The following TNKS variants were observed in gnomAD, a reference collection of about 807,000 sequenced individuals.
TNKS encodes tankyrase, also known as poly [ADP-ribose] polymerase tankyrase-1.
TNKS carries 72 observed loss-of-function variants against 135.8 expected under a neutral mutation model. The ratio of observed to expected loss-of-function variants is 0.53; its 90% CI spans 0.44 to 0.64. The LOEUF (loss-of-function observed/expected upper bound fraction) is 0.64, where lower values mean the gene tolerates loss of function less well. Among genes scored for constraint, TNKS ranks in the 30% least tolerant of loss-of-function variants. The pLI is 0.00. For synonymous variants in TNKS, 849 were observed against 649.3 expected (o/e 1.31, Z -4.68); for missense variants, 1,769 against 1,674.0 (o/e 1.06, Z -0.99).
intron 3 of TNKS, among the ~76,000 whole-genome samples, chr8:9,628,539 C>T (rs777208942): frequency 5.9e-5 from 9 of 151,296 alleles, no homozygotes; most frequent in Non-Finnish European, 1.3e-4. Flanking sequence ...CTCATTTCAT[C>T]GATAGATCTT....
chr8:9,772,831 CTGTG>C (rs71201974), intron 26 of TNKS, among the ~76,000 whole-genome samples: 1,243 of 119,100 alleles, frequency 0.01, 20 homozygotes, highest in African/African-American at 0.032. Flanking sequence ...GTGTGTGTGT[CTGTG>C]TGTGTGTGTG....
chr8:9,733,281 G>C lies in TNKS; in HGVS notation c.2150G>C (p.Gly717Ala). ...TAAAATAACTTTCTTTTGTTTAGTG[G>C]CTTGGTGCCCCTTCATAATGCCTGT... ...GADVHAKDKG[G>A]LVPLHNACSY... The change falls in exon 15 of 27, where the codon GGC becomes GCC. Residue 717 changes from glycine to alanine, a missense_variant and splice_region_variant. Around this residue, in one of 5 missense-constraint regions of TNKS, gnomAD observed 69 missense variants for 120.3 expected, o/e 0.57. Transcript: ENST00000310430. 6.4e-7 allele frequency: 1 copy of C among 1,557,744 alleles called. No individual in the cohort carries two copies. The highest frequency in any genetic ancestry group is 1.4e-5 in the African/African-American group (1 of 72,120).
At chr8:9,776,339 A>G (rs1406908774) in intron 26 of TNKS, among the ~76,000 whole-genome samples, 1 of 152,226 alleles carries the variant, frequency 6.6e-6, no homozygotes, top group East Asian at 1.9e-4. Context: ...TGTGAGGTGA[A>G]AAAGATATTA....
intron 26 of TNKS, among the ~76,000 whole-genome samples, chr8:9,774,828 C>G (rs114598951): frequency 0.01 from 1,553 of 152,284 alleles, 26 homozygotes; most frequent in African/African-American, 0.036. Flanking sequence ...CTATTGACTC[C>G]TTTGCTTCAA....
intron 2 of TNKS, among the ~76,000 whole-genome samples, chr8:9,600,975 G>C (rs1181505227): frequency 6.6e-6 from 1 of 152,182 alleles, no homozygotes; most frequent in Admixed American, 6.5e-5. Flanking sequence ...TAGGAAGAAT[G>C]ATCCAATTTT....
At chr8:9,557,618 C>T (rs1815380686) in intron 1 of TNKS, 1 of 151,894 alleles carries the variant, frequency 6.6e-6, no homozygotes, top group African/African-American at 2.4e-5. Context: ...TCAAATAGGA[C>T]AGAAAAATAC....
At chr8:9,691,090 A>G (rs1271807388) in intron 5 of TNKS, among the ~76,000 whole-genome samples, 1 of 152,224 alleles carries the variant, frequency 6.6e-6, no homozygotes, top group Non-Finnish European at 1.5e-5. Flanking sequence ...ATATTGACCA[A>G]CCAGAGTGTA....
chr8:9,667,386 T>C (rs1405118023), intron 3 of TNKS, among the ~76,000 whole-genome samples: 4 of 152,252 alleles, frequency 2.6e-5, no homozygotes, highest in Non-Finnish European at 5.9e-5. Flanking sequence ...AGAAAATTAC[T>C]TTCCTACAGC....
chr8:9,636,733 A>G (rs149487484), intron 3 of TNKS, among the ~76,000 whole-genome samples: 1 of 152,252 alleles, frequency 6.6e-6, no homozygotes, highest in Non-Finnish European at 1.5e-5. Context: ...AGTGTTCCTA[A>G]TTGGTCAAGA....
chr8:9,733,253 C>T (rs1805532467), intron 14 of TNKS, 26 bp from the exon 15 acceptor site: 3 of 1,533,882 alleles, frequency 2.0e-6, no homozygotes, highest in Non-Finnish European at 2.6e-6. Context: ...TGTTTTATGA[C>T]TTTAAAATAA....
chr8:9,613,791 G>A (rs914894473), intron 2 of TNKS, among the ~76,000 whole-genome samples: 1 of 152,116 alleles, frequency 6.6e-6, no homozygotes, highest in East Asian at 1.9e-4. Context: ...TTAAAATACG[G>A]GTTAAAACAA....
Position 9,735,163 on chromosome 8 carries a change from G to A in TNKS, c.2533+79G>A, listed in dbSNP as rs1452223802. On this transcript the variant is annotated intron_variant, in intron 16 of 26. Transcript: ENST00000310430. Reference sequence around the variant, plus strand: ...CAGTTTACTAAAAGACGAAAGCCATGCTGAACACAAATGGGACTACTTAGT... The same window carrying A: ...CAGTTTACTAAAAGACGAAAGCCATACTGAACACAAATGGGACTACTTAGT... 2.8e-6 allele frequency: 4 copies of A among 1,420,922 alleles called. No homozygotes were observed. In the African/African-American group the frequency reaches 5.8e-5, roughly 21 times the overall value. The allele number at this position is 1,420,922 out of a possible 1,614,324, so 88.0% of individuals were successfully genotyped here.
At chr8:9,746,881 C>CTTTTTTTTTTTTTTTT (rs10672387) in intron 17 of TNKS, among the ~76,000 whole-genome samples, 7 of 117,186 alleles carry the variant, frequency 6.0e-5, no homozygotes, top group African/African-American at 2.5e-4. Flanking sequence ...CCTACTTAAA[C>CTTTTTTTTTTTTTTTT]TTTTTTTTTT....
intron 3 of TNKS, among the ~76,000 whole-genome samples, chr8:9,665,459 T>C (rs1801942024): frequency 1.3e-5 from 2 of 152,240 alleles, no homozygotes; most frequent in South Asian, 4.1e-4. Context: ...TTCTTTTAAG[T>C]TAGCAGGAAG....
intron 3 of TNKS, chr8:9,671,150 CATG>C (rs1340530819): frequency 1.3e-5 from 2 of 151,880 alleles, no homozygotes; most frequent in Admixed American, 6.6e-5. Context: ...CTATAGGTGA[CATG>C]AGAATTTTTC....
At chr8:9,575,295 T>A in intron 1 of TNKS, 1 of 684,176 alleles carries the variant, frequency 1.5e-6, no homozygotes, top group Non-Finnish European at 1.8e-6. Flanking sequence ...CCATGTTAGC[T>A]AGGATGGTCT....
At chr8:9,575,030 T>A in intron 1 of TNKS, 10 of 985,360 alleles carry the variant, frequency 1.0e-5, no homozygotes, top group Non-Finnish European at 1.2e-5. Flanking sequence ...AACTGCTATG[T>A]GTGCCTGGAT....
intron 1 of TNKS, among the ~76,000 whole-genome samples, chr8:9,561,439 T>C (rs191237736): frequency 1.1e-3 from 174 of 152,352 alleles, no homozygotes; most frequent in Non-Finnish European, 1.9e-3. Context: ...AAGAGTTGCC[T>C]GTTTTAGAAT....
chr8:9,681,939 T>C (rs761324342), intron 5 of TNKS, among the ~76,000 whole-genome samples: 14 of 152,116 alleles, frequency 9.2e-5, no homozygotes, highest in Admixed American at 7.2e-4. Flanking sequence ...TCTGGGTAAT[T>C]TGGGGAGAGA....
Sources: allele counts gnomAD v4.1 joint callset (sites outside exome capture counted in the v4.1 genomes callset), GRCh38; gene constraint gnomAD v4.1.1; regional missense constraint gnomAD v4.1.1; transcripts MANE v1.5; gene names NCBI Gene and HGNC (gene_info 2026-07-23, HGNC 2026-07-21).